The following CEP152 variants were observed in gnomAD, a reference collection of about 807,000 sequenced individuals.
CEP152 encodes the protein centrosomal protein 152, also known as centrosomal protein of 152 kDa.
A neutral mutation model predicts 188.9 loss-of-function variants in CEP152; 132 were observed. That is an observed-to-expected ratio of 0.70 (90% CI 0.61 to 0.81). The LOEUF (loss-of-function observed/expected upper bound fraction) is 0.81, where lower values mean the gene tolerates loss of function less well. CEP152 is among the 30% of genes least tolerant of loss of function. CEP152 has a pLI of 0.00. For synonymous variants in CEP152, 649 were observed against 666.6 expected (o/e 0.97, Z 0.41); for missense variants, 1,914 against 1,969.8 (o/e 0.97, Z 0.54).
chr15:48,782,497 T>G (rs898293014), intron 10 of CEP152, among the ~76,000 whole-genome samples: 3 of 152,164 alleles, frequency 2.0e-5, no homozygotes, highest in Non-Finnish European at 2.9e-5. Flanking sequence ...ATCAGTCACA[T>G]TTACAGACCT....
chr15:48,765,833 T>C (rs1332520411), intron 17 of CEP152, among the ~76,000 whole-genome samples: 1 of 151,764 alleles, frequency 6.6e-6, no homozygotes, highest in African/African-American at 2.4e-5. Context: ...TTTGTATTTT[T>C]AGTAGAGACG....
chr15:48,746,973 C>G (rs1338882908), intron 22 of CEP152, among the ~76,000 whole-genome samples: 1 of 152,100 alleles, frequency 6.6e-6, no homozygotes, highest in Non-Finnish European at 1.5e-5. Context: ...TATGGCTCTA[C>G]TGAGAGAAAT....
At chr15:48,799,176 T>G (rs1274603055) in intron 2 of CEP152, among the ~76,000 whole-genome samples, 1 of 151,960 alleles carries the variant, frequency 6.6e-6, no homozygotes, top group Non-Finnish European at 1.5e-5. Flanking sequence ...AAAAATGAGA[T>G]GCTCCCTGGT....
rs754516504 is a variant in CEP152 at position 48,768,968 on chromosome 15, T to C, written c.1896A>G (p.Gln632=). The change falls in exon 14 of 27, where the codon CAA becomes CAG. Residue 632 remains glutamine (Q), a synonymous_variant. Coordinates refer to ENST00000380950, the MANE Select transcript of CEP152 (RefSeq NM_001194998.2). ...LLLKNEIQVL[Q]QQNQELKETE... ...TATTTTTAATCACCTGATTTTGTTG[T>C]TGTAAAACTTGAATTTCATTTTTAA... The C allele has an allele frequency of 5.8e-6, 9 of 1,544,848 alleles. No homozygotes were observed. The African/African-American group carries it at 1.1e-4, about 19-fold the overall frequency.
At chr15:48,745,791 C>T (rs1038824614) in intron 22 of CEP152, among the ~76,000 whole-genome samples, 34 of 152,172 alleles carry the variant, frequency 2.2e-4, no homozygotes, top group Non-Finnish European at 5.0e-4. Flanking sequence ...AGTTTACATT[C>T]TAACTTTGCT....
In CEP152 at chr15:48,797,423, G is replaced by T; in HGVS notation, c.418C>A (p.Gln140Lys). 1 of 1,614,142 alleles carries T rather than the reference G, an allele frequency of 6.2e-7. No homozygotes were observed. The highest frequency in any genetic ancestry group is 8.5e-7 in the Non-Finnish European group (1 of 1,180,012). Reference sequence around the variant, plus strand: ...TCAGGAAGGTGATATAAATCAGTCTGTTCACATTTACTTGGAGGACTATAA... The same window carrying T: ...TCAGGAAGGTGATATAAATCAGTCTTTTCACATTTACTTGGAGGACTATAA... ...SGYSPPSKCE[Q>K]TDLYHLPENF... The change falls in exon 5 of 27, where the codon CAG becomes AAG. Residue 140 changes from glutamine to lysine, a missense_variant. Gln to Lys is a moderately conservative substitution (Grantham distance 53). Coordinates refer to ENST00000380950, the MANE Select transcript of CEP152 (RefSeq NM_001194998.2).
intron 7 of CEP152, among the ~76,000 whole-genome samples, chr15:48,791,822 T>C (rs986729113): frequency 3.3e-5 from 5 of 149,624 alleles, no homozygotes; most frequent in African/African-American, 1.2e-4. Context: ...CAGCCCCAAA[T>C]AAATAAATTA....
intron 2 of CEP152, among the ~76,000 whole-genome samples, chr15:48,803,913 A>C (rs189626151): frequency 6.6e-6 from 1 of 152,362 alleles, no homozygotes; most frequent in East Asian, 1.9e-4. Context: ...AAGCCCAGTC[A>C]TGAATACCTC....
Position 48,759,481 on chromosome 15 carries a change from C to T in CEP152, c.2694+654G>A, listed in dbSNP as rs544674878. ...GTATTGCACTGAATTAAAATGAATTCTATTTTTGTGACTCAATACAGTCTG... is the reference window on the plus strand; with the variant it reads ...GTATTGCACTGAATTAAAATGAATTTTATTTTTGTGACTCAATACAGTCTG... On this transcript the variant is annotated intron_variant, in intron 19 of 26. Transcript: ENST00000380950. Among the ~76,000 whole-genome samples the T allele has an allele frequency of 7.9e-5, 12 of 152,268 alleles. No homozygotes were observed. The East Asian group carries it at 2.3e-3, about 29-fold the overall frequency.
rs1896842237 is a variant in CEP152, at chr15:48,788,949, T to C, written c.1025A>G (p.Gln342Arg). The C allele has an allele frequency of 6.2e-7, 1 of 1,614,118 alleles. No homozygotes were observed. The change falls in exon 9 of 27, where the codon CAG becomes CGG. Residue 342 changes from glutamine (Q) to arginine (R), a missense_variant. Coordinates refer to ENST00000380950, the MANE Select transcript of CEP152 (RefSeq NM_001194998.2). Reference sequence around the variant, plus strand: ...TTCAGAATGATGAAGGTCCACCAGCTGCTGCTTCAAGCTTTCCAGAGCCAT... The same window carrying C: ...TTCAGAATGATGAAGGTCCACCAGCCGCTGCTTCAAGCTTTCCAGAGCCAT... ...TEMALESLKQ[Q>R]LVDLHHSESL...
intron 19 of CEP152, among the ~76,000 whole-genome samples, chr15:48,757,893 T>C (rs1285604776): frequency 6.6e-6 from 1 of 152,206 alleles, no homozygotes; most frequent in African/African-American, 2.4e-5. Flanking sequence ...CATTCCCAGG[T>C]GACTCGGATA....
At position 48,767,359 on chromosome 15, in the gene CEP152, T is replaced by A. The variant is rs751537980; in HGVS notation, c.2123A>T (p.Tyr708Phe). 4.3e-6 allele frequency: 7 copies of A among 1,614,214 alleles called. No individual in the cohort carries two copies. Among genetic ancestry groups the A allele is most frequent in the Non-Finnish European group, 5.9e-6 (7 of 1,180,020 alleles). Residue 708 changes from tyrosine to phenylalanine, a missense_variant, in exon 16 of 27, where the codon TAT becomes TTT. Physicochemically the swap from Tyr to Phe is conservative, Grantham distance 22. Transcript: ENST00000380950. The stretch of plus-strand genomic sequence containing the variant: ...CCTCAGTTGCAAATGAGTTCTCTCA[T>A]AAGCCTCAAAGAGCTGCTGCTTCTC... ...ALEKQQLFEA[Y>F]ERTHLQLRSE...
chr15:48,739,341 A>C, intron 26 of CEP152, 53 bp from the exon 27 acceptor site: 7 of 1,548,126 alleles, frequency 4.5e-6, no homozygotes. Flanking sequence ...TTTAAAGGGA[A>C]GATTCATCCT....
At chr15:48,746,931 T>G (rs1013404319) in intron 22 of CEP152, among the ~76,000 whole-genome samples, 1 of 152,128 alleles carries the variant, frequency 6.6e-6, no homozygotes, top group African/African-American at 2.4e-5. Flanking sequence ...TCAGGATGTT[T>G]TGGTGAAGGG....
intron 24 of CEP152, among the ~76,000 whole-genome samples, chr15:48,743,043 A>T (rs2140573334): frequency 6.6e-6 from 1 of 152,344 alleles, no homozygotes; most frequent in African/African-American, 2.4e-5. Context: ...CTAAAAAATA[A>T]CTAAAACATA....
intron 9 of CEP152, among the ~76,000 whole-genome samples, chr15:48,784,906 A>C (rs1896523095): frequency 6.6e-6 from 1 of 152,224 alleles, no homozygotes; most frequent in African/African-American, 2.4e-5. Context: ...AAACCACGGG[A>C]GTCCTGAGTC....
intron 13 of CEP152, among the ~76,000 whole-genome samples, chr15:48,771,193 G>A (rs1298317215): frequency 1.3e-5 from 2 of 152,148 alleles, no homozygotes. Context: ...GTGATAGCAT[G>A]ATCTTACAGA....
At position 48,796,101 on chromosome 15, in the gene CEP152, A is replaced by G. The variant is rs748037759; in HGVS notation, c.600T>C (p.Ser200=). 4.3e-6 allele frequency: 7 copies of G among 1,613,826 alleles called. No homozygotes were observed. The East Asian group carries it at 1.3e-4, about 31-fold the overall frequency. The change falls in exon 6 of 27, where the codon TCT becomes TCC. Residue 200 remains serine, a synonymous_variant. Coordinates refer to ENST00000380950, the MANE Select transcript of CEP152 (RefSeq NM_001194998.2). ...CTGGTGAGCCATTATTCTGGGCAGAAGACTGATAAGGTTTATATGTCACTT... is the reference window on the plus strand; with the variant it reads ...CTGGTGAGCCATTATTCTGGGCAGAGGACTGATAAGGTTTATATGTCACTT... ...YNKVTYKPYQ[S]SAQNNGSPAQ...
downstream of CEP152, among the ~76,000 whole-genome samples, chr15:48,736,430 G>A (rs1892604313): frequency 6.6e-6 from 1 of 151,854 alleles, no homozygotes; most frequent in South Asian, 2.1e-4. Flanking sequence ...TTAAAAAAAG[G>A]GCTAAATATC....
Sources: gnomAD v4.1 joint callset for allele counts (sites outside exome capture counted in the v4.1 genomes callset) on GRCh38, gnomAD v4.1.1 for gene constraint, MANE v1.5 for transcripts, NCBI Gene and HGNC (gene_info 2026-07-23, HGNC 2026-07-21) for gene names.